HDAC9: variants seen among roughly 807,000 people sequenced by gnomAD.
HDAC9 encodes the protein MEF-2 interacting transcription repressor (MITR) protein.
Under a neutral mutation model 139.4 loss-of-function variants are expected in HDAC9, and 41 were observed. That is an observed-to-expected ratio of 0.29 (90% CI 0.23 to 0.38). The LOEUF is 0.38. Among genes scored for constraint, HDAC9 ranks in the 10% least tolerant of loss-of-function variants. The pLI is 1.00. For missense variants in HDAC9, 1,147 were observed against 1,297.0 expected (o/e 0.88, Z 1.78); for synonymous variants, 517 against 476.2 (o/e 1.09, Z -1.12).
At chr7:18,667,244 G>A (rs1348448587) in intron 12 of HDAC9, 2 of 985,148 alleles carry the variant, frequency 2.0e-6, no homozygotes, top group East Asian at 1.1e-4. Flanking sequence ...AGATGCAAAT[G>A]TTAGTGAGAA....
At chr7:18,140,389 T>C (rs1785813095) in intron 1 of HDAC9, among the ~76,000 whole-genome samples, 1 of 152,150 alleles carries the variant, frequency 6.6e-6, no homozygotes, top group African/African-American at 2.4e-5. Flanking sequence ...TACAGGGTTT[T>C]CTCTTTGAGC....
chr7:18,858,005 C>A (rs1267974776), intron 21 of HDAC9, among the ~76,000 whole-genome samples: 1 of 152,098 alleles, frequency 6.6e-6, no homozygotes, highest in Admixed American at 6.5e-5. Flanking sequence ...AATACACATG[C>A]ACAAAAGAAA....
chr7:18,353,188 A>G (rs1415087323), intron 1 of HDAC9, among the ~76,000 whole-genome samples: 1 of 152,126 alleles, frequency 6.6e-6, no homozygotes, highest in Non-Finnish European at 1.5e-5. Context: ...CTTCAGCACT[A>G]TCTAGCTATT....
intron 2 of HDAC9, among the ~76,000 whole-genome samples, chr7:18,271,261 T>C (rs1796331487): frequency 6.6e-6 from 1 of 152,246 alleles, no homozygotes; most frequent in Non-Finnish European, 1.5e-5. Flanking sequence ...ATAATGTGGC[T>C]ATATACCTGT....
intron 2 of HDAC9, among the ~76,000 whole-genome samples, chr7:18,554,805 G>A (rs759187894): frequency 2.0e-5 from 3 of 152,154 alleles, no homozygotes; most frequent in Admixed American, 6.5e-5. Context: ...GACTGGGTGG[G>A]ATGACTATGA....
At chr7:18,618,108 A>G (rs1272853798) in intron 6 of HDAC9, among the ~76,000 whole-genome samples, 1 of 152,234 alleles carries the variant, frequency 6.6e-6, no homozygotes, top group African/African-American at 2.4e-5. Context: ...GATAAACATC[A>G]GAGAGACAAA....
chr7:18,282,125 A>G (rs923952662), intron 2 of HDAC9, among the ~76,000 whole-genome samples: 2 of 152,208 alleles, frequency 1.3e-5, no homozygotes, highest in Admixed American at 6.5e-5. Flanking sequence ...TCATCATAAT[A>G]TCCTTCTTAG....
At chr7:18,966,704 A>G (rs951076481) in intron 24 of HDAC9, among the ~76,000 whole-genome samples, 6 of 127,290 alleles carry the variant, frequency 4.7e-5, no homozygotes, top group African/African-American at 1.5e-4. Flanking sequence ...CCGACTCAAA[A>G]AAACAAACAG....
intron 2 of HDAC9, among the ~76,000 whole-genome samples, chr7:18,512,579 A>T (rs1801868432): frequency 1.3e-5 from 2 of 152,320 alleles, no homozygotes; most frequent in Admixed American, 1.3e-4. Flanking sequence ...TGTTTTTAAA[A>T]CAGTTTTTTA....
intron 21 of HDAC9, among the ~76,000 whole-genome samples, chr7:18,857,689 C>G (rs2129229594): frequency 6.6e-6 from 1 of 152,200 alleles, no homozygotes; most frequent in African/African-American, 2.4e-5. Flanking sequence ...TCATAGGAAT[C>G]TGTCCTGACA....
intron 4 of HDAC9, 132 bp downstream of exon 4, chr7:18,590,618 C>G: frequency 3.3e-6 from 3 of 913,432 alleles, no homozygotes; most frequent in Non-Finnish European, 4.8e-6. Context: ...GCATAGATTA[C>G]AGACCCAACT....
At chr7:18,525,517 C>T (rs1489863312) in intron 2 of HDAC9, among the ~76,000 whole-genome samples, 1 of 152,046 alleles carries the variant, frequency 6.6e-6, no homozygotes, top group African/African-American at 2.4e-5. Flanking sequence ...TAAAATAATT[C>T]CTATGGATGT....
At chr7:18,209,094 G>A (rs1370221760) in intron 2 of HDAC9, among the ~76,000 whole-genome samples, 1 of 151,978 alleles carries the variant, frequency 6.6e-6, no homozygotes, top group African/African-American at 2.4e-5. Context: ...GGGCCTTTTG[G>A]TCTGTAATCT....
At chr7:18,730,219 A>G (rs562075395) in intron 13 of HDAC9, among the ~76,000 whole-genome samples, 88 of 152,310 alleles carry the variant, frequency 5.8e-4, no homozygotes, top group Non-Finnish European at 1.1e-3. Flanking sequence ...AGGAAATGAA[A>G]TGCACCATCT....
chr7:18,700,977 C>G (rs914445124), intron 12 of HDAC9, among the ~76,000 whole-genome samples: 4 of 152,184 alleles, frequency 2.6e-5, no homozygotes, highest in Non-Finnish European at 4.4e-5. Context: ...GAATGCTTCA[C>G]TGGGTACCTG....
chr7:18,375,951 G>A (rs1444617128), intron 1 of HDAC9, among the ~76,000 whole-genome samples: 1 of 152,118 alleles, frequency 6.6e-6, no homozygotes, highest in African/African-American at 2.4e-5. Context: ...TGAATGTATT[G>A]TACAATTTCC....
At chr7:18,763,896 A>T (rs1789603081) in intron 15 of HDAC9, among the ~76,000 whole-genome samples, 1 of 152,182 alleles carries the variant, frequency 6.6e-6, no homozygotes, top group African/African-American at 2.4e-5. Flanking sequence ...GGATTGATCA[A>T]ATTGTGAATA....
At chr7:18,639,561 CT>C (rs1784922116) in intron 8 of HDAC9, among the ~76,000 whole-genome samples, 1 of 151,996 alleles carries the variant, frequency 6.6e-6, no homozygotes, top group South Asian at 2.1e-4. Context: ...GAGATTTCTA[CT>C]GCTTCAACAA....
intron 1 of HDAC9, among the ~76,000 whole-genome samples, chr7:18,391,836 A>C (rs1474331798): frequency 6.6e-6 from 1 of 152,192 alleles, no homozygotes; most frequent in Non-Finnish European, 1.5e-5. Context: ...AGAAGTTTTT[A>C]CCATGGGGTT....
Sources: allele counts gnomAD v4.1 joint callset (sites outside exome capture counted in the v4.1 genomes callset), GRCh38; gene constraint gnomAD v4.1.1; transcripts MANE v1.5; gene names NCBI Gene and HGNC (gene_info 2026-07-23, HGNC 2026-07-21).